The following TTC27 variants were observed in gnomAD, a reference collection of about 807,000 sequenced individuals.
The protein encoded by TTC27 is tetratricopeptide repeat protein 27.
TTC27 carries 79 observed loss-of-function variants against 115.9 expected under a neutral mutation model. That is an observed-to-expected ratio of 0.68 (90% CI 0.57 to 0.82). The LOEUF (loss-of-function observed/expected upper bound fraction) is 0.82, where lower values mean the gene tolerates loss of function less well. TTC27 is among the 40% of genes least tolerant of loss of function. TTC27 has a pLI of 0.00. For synonymous variants in TTC27, 401 were observed against 356.0 expected, an observed-to-expected ratio of 1.13 and a Z score of -1.42; for missense variants, 1,054 against 993.1, an observed-to-expected ratio of 1.06 and a Z score of -0.82.
At position 32,638,874 on chromosome 2, in the gene TTC27, C is replaced by T. The variant is rs1664526915; in HGVS notation, c.397-1396C>T. Among the ~76,000 whole-genome samples the T allele has an allele frequency of 4.6e-5, 7 of 152,046 alleles. No individual in the cohort carries two copies. The South Asian group carries it at 1.5e-3, about 32-fold the overall frequency. On this transcript the variant is annotated intron_variant, in intron 3 of 19. Transcript: ENST00000317907. ...TTGATACGGAGTCTTGCTCTGTCAC[C>T]CAGGCTGGAGTGCAGTGGCACAATC...
intron 19 of TTC27, among the ~76,000 whole-genome samples, chr2:32,820,309 A>G (rs1433229102): frequency 1.3e-5 from 2 of 152,200 alleles, no homozygotes; most frequent in Non-Finnish European, 2.9e-5. Flanking sequence ...AAACCTCCCA[A>G]GGCAATTCCT....
intron 10 of TTC27, among the ~76,000 whole-genome samples, chr2:32,721,312 A>G (rs910304024): frequency 2.0e-5 from 3 of 152,220 alleles, no homozygotes; most frequent in Non-Finnish European, 2.9e-5. Context: ...CAAACTGGCC[A>G]TAGAAAAGGA....
Position 32,755,062 on chromosome 2 carries a change from G to A in TTC27, c.1453-3230G>A, listed in dbSNP as rs192537171. Among the ~76,000 whole-genome samples the A allele has an allele frequency of 2.9e-3, 446 of 152,118 alleles. 9 individuals carry two copies. Among genetic ancestry groups the A allele is most frequent in the East Asian group, 0.023 (119 of 5,154 alleles). ...TGGAGGGTCTCCACACTTCTCAGAC[G>A]GGGCGGCCGGGCAGAGACGCTCCTC... On this transcript the variant is annotated intron_variant, in intron 12 of 19. Transcript: ENST00000317907.
At chr2:32,749,127 G>A (rs1668925453) in intron 12 of TTC27, among the ~76,000 whole-genome samples, 1 of 152,104 alleles carries the variant, frequency 6.6e-6, no homozygotes, top group African/African-American at 2.4e-5. Context: ...ATACTTTCTT[G>A]TTTCTTTGCA....
chr2:32,702,463 T>C, intron 9 of TTC27, among the ~76,000 whole-genome samples: 1 of 152,176 alleles, frequency 6.6e-6, no homozygotes, highest in East Asian at 1.9e-4. Context: ...TACTATGTTC[T>C]CTGGGTAATG....
chr2:32,740,036 A>G (rs1023228004), intron 12 of TTC27, among the ~76,000 whole-genome samples: 4 of 152,238 alleles, frequency 2.6e-5, no homozygotes, highest in African/African-American at 9.6e-5. Flanking sequence ...CATTCTTGTT[A>G]TTTAATGACC....
At chr2:32,733,957 T>G (rs1551177) in intron 11 of TTC27, 34 bp downstream of exon 11, 1 of 1,447,528 alleles carries the variant, frequency 6.9e-7, no homozygotes. Flanking sequence ...GTATGGAAAT[T>G]ACTTGGCATT....
Position 32,640,320 on chromosome 2 carries a change from A to G in TTC27, c.447A>G (p.Glu149=), listed in dbSNP as rs1206636037. The change falls in exon 4 of 20, where the codon GAA becomes GAG. Residue 149 remains glutamate (E), a synonymous_variant. Transcript: ENST00000317907. ...TGAGCCTGCTCACTCTAGATGGTGA[A>G]TCAATCTACAGCCTGACCTCGAAGC... is the stretch of plus-strand genomic sequence containing the variant. ...FVLSLLTLDG[E]SIYSLTSKPI... 1 of 1,614,106 alleles carries G rather than the reference A, an allele frequency of 6.2e-7. No homozygotes were observed. Among genetic ancestry groups the G allele is most frequent in the South Asian group, 1.1e-5 (1 of 91,082 alleles).
In TTC27 at chr2:32,629,803, C is replaced by G. The variant is rs368481587; in HGVS notation, c.89-720C>G. ...ACCAGAGAGATAAAGAGTTAAAAGG[C>G]ACATGCACTGGCACATCTGGTTGTG... On this transcript the variant is annotated intron_variant, in intron 1 of 19. Coordinates refer to ENST00000317907, the MANE Select transcript of TTC27 (RefSeq NM_017735.5). Among the ~76,000 whole-genome samples the G allele has an allele frequency of 1.2e-4, 18 of 152,248 alleles. 1 individual carries two copies. The highest frequency in any genetic ancestry group is 9.2e-4 in the Admixed American group (14 of 15,288).
intron 10 of TTC27, chr2:32,705,051 A>C: frequency 2.5e-6 from 1 of 402,914 alleles, no homozygotes; most frequent in South Asian, 1.9e-5. Flanking sequence ...TGTGATTCCC[A>C]TTGTTGGAGA....
chr2:32,753,597 G>A (rs60452666), intron 12 of TTC27, among the ~76,000 whole-genome samples: 53,027 of 151,464 alleles, frequency 0.35, 10,012 homozygotes, highest in Non-Finnish European at 0.41. Flanking sequence ...TTACAGGCAT[G>A]TGCCACCGCG....
chr2:32,730,506 C>T (rs552178965), intron 10 of TTC27, among the ~76,000 whole-genome samples: 1 of 150,944 alleles, frequency 6.6e-6, no homozygotes, highest in African/African-American at 2.4e-5. Context: ...CCTAGACATG[C>T]ACTATAACAA....
chr2:32,664,390 A>G lies in TTC27; in HGVS notation c.728A>G (p.Tyr243Cys). The G allele has an allele frequency of 6.2e-7, 1 of 1,612,632 alleles. No homozygotes were observed. The highest frequency in any genetic ancestry group is 8.5e-7 in the Non-Finnish European group (1 of 1,179,426). The change falls in exon 6 of 20, where the codon TAT (tyrosine) becomes TGT (cysteine). Residue 243 changes from tyrosine (Y) to cysteine (C), a missense_variant. Transcript: ENST00000317907. ...CTGGAATGTGCATATGTGTTTTTATATTATTATGAGTACAGAAAAGCAAAA... is the reference window on the plus strand; with the variant it reads ...CTGGAATGTGCATATGTGTTTTTATGTTATTATGAGTACAGAAAAGCAAAA... Reference protein sequence around the residue: ...FHLECAYVFLYYYEYRKAKDQ... With the variant: ...FHLECAYVFLCYYEYRKAKDQ...
chr2:32,790,412 G>C (rs554994483), intron 16 of TTC27, among the ~76,000 whole-genome samples: 1 of 151,376 alleles, frequency 6.6e-6, no homozygotes, highest in East Asian at 1.9e-4. Context: ...TTTCTTTCTT[G>C]TTTATCCATT....
intron 4 of TTC27, among the ~76,000 whole-genome samples, chr2:32,645,926 G>C (rs907377112): frequency 2.6e-5 from 4 of 151,668 alleles, no homozygotes; most frequent in Non-Finnish European, 4.4e-5. Flanking sequence ...CACCATGTTG[G>C]TCAGGCTGGT....
Position 32,628,202 on chromosome 2 carries a change from C to G in TTC27, c.-91C>G. ...GGTAACTGTCGCCACTAGATTTCAG[C>G]GCCTTTGGACTCTCCTGTTTTCACT... is the stretch of plus-strand genomic sequence containing the variant. On this transcript the variant is annotated 5_prime_UTR_variant, in exon 1 of 20. Coordinates refer to ENST00000317907, the MANE Select transcript of TTC27 (RefSeq NM_017735.5). 5 of 1,219,968 alleles carry G rather than the reference C, an allele frequency of 4.1e-6. No homozygotes were observed. Among genetic ancestry groups the G allele is most frequent in the Non-Finnish European group, 5.9e-6 (5 of 854,166 alleles). The allele number at this position is 1,219,968 out of a possible 1,614,324, so 75.6% of individuals were successfully genotyped here. A position where few individuals can be genotyped will look rare whatever the true frequency, so the allele number is the denominator to read the frequency against.
At chr2:32,734,042 A>C in intron 11 of TTC27, 119 bp downstream of exon 11, 1 of 645,770 alleles carries the variant, frequency 1.5e-6, no homozygotes, top group African/African-American at 1.9e-5. Flanking sequence ...AAAGATAATA[A>C]ATGTATCTGC....
intron 10 of TTC27, among the ~76,000 whole-genome samples, chr2:32,725,390 C>T (rs771211241): frequency 2.0e-5 from 3 of 152,052 alleles, no homozygotes; most frequent in Non-Finnish European, 4.4e-5. Context: ...TGGGTAAATA[C>T]AGCCATTCCA....
At chr2:32,702,101 C>A (rs1388640883) in intron 9 of TTC27, among the ~76,000 whole-genome samples, 2 of 151,816 alleles carry the variant, frequency 1.3e-5, no homozygotes, top group Admixed American at 6.6e-5. Context: ...TTTTAGAATA[C>A]CAAGCTTCCC....
Sources: allele counts gnomAD v4.1 joint callset (sites outside exome capture counted in the v4.1 genomes callset), GRCh38; gene constraint gnomAD v4.1.1; transcripts MANE v1.5; gene names NCBI Gene and HGNC (gene_info 2026-07-23, HGNC 2026-07-21).